The following ANKRD31 variants were observed in gnomAD, a reference collection of about 807,000 sequenced individuals.
The protein encoded by ANKRD31 is ankyrin repeat domain 31, also known as ankyrin repeat domain-containing protein 31.
Under a neutral mutation model 186.0 loss-of-function variants are expected in ANKRD31, and 147 were observed. That is an observed-to-expected ratio of 0.79 (90% CI 0.69 to 0.91). The LOEUF (loss-of-function observed/expected upper bound fraction) is 0.91, where lower values mean the gene tolerates loss of function less well. Ranked by LOEUF, ANKRD31 falls within the 40% of genes least tolerant of loss-of-function variation. The pLI is 0.00. For synonymous variants in ANKRD31, 673 were observed against 736.4 expected (o/e 0.91, Z 1.39); for missense variants, 1,986 against 2,148.8 (o/e 0.92, Z 1.50).
chr5:75,199,249 G>A (rs981799718), intron 6 of ANKRD31, among the ~76,000 whole-genome samples: 2 of 152,116 alleles, frequency 1.3e-5, no homozygotes, highest in African/African-American at 4.8e-5. Flanking sequence ...TGAGGAAAGC[G>A]TGAGTTCATT....
intron 10 of ANKRD31, among the ~76,000 whole-genome samples, chr5:75,172,504 G>A (rs1753415158): frequency 6.6e-6 from 1 of 151,784 alleles, no homozygotes; most frequent in Admixed American, 6.6e-5. Flanking sequence ...GACTGATAAA[G>A]AAGAAAAGAG....
At chr5:75,075,352 C>A (rs1325104675) in intron 25 of ANKRD31, among the ~76,000 whole-genome samples, 1 of 152,144 alleles carries the variant, frequency 6.6e-6, no homozygotes, top group Non-Finnish European at 1.5e-5. Context: ...GATAACAATC[C>A]AGAGTTTATC....
At chr5:75,177,464 T>A (rs754217689) in intron 10 of ANKRD31, among the ~76,000 whole-genome samples, 2 of 151,410 alleles carry the variant, frequency 1.3e-5, no homozygotes, top group African/African-American at 2.4e-5. Context: ...AAGGAAAAAA[T>A]GTTAAGGGCA....
chr5:75,104,071 C>T (rs1747129786), intron 22 of ANKRD31, among the ~76,000 whole-genome samples, 157 bp downstream of exon 22: 1 of 152,076 alleles, frequency 6.6e-6, no homozygotes, highest in Admixed American at 6.5e-5. Context: ...AATATGAATT[C>T]ACTTGCTAAG....
chr5:75,169,280 G>C, intron 10 of ANKRD31, 159 bp from the exon 11 acceptor site: 1 of 845,560 alleles, frequency 1.2e-6, no homozygotes, highest in Non-Finnish European at 1.7e-6. Context: ...TGTATTATTT[G>C]GTAGGTTCAA....
At chr5:75,199,568 C>A in intron 6 of ANKRD31, 63 bp downstream of exon 6, 1 of 1,321,654 alleles carries the variant, frequency 7.6e-7, no homozygotes, top group African/African-American at 1.5e-5. Context: ...CTTTAATCGA[C>A]ATAATTTTTT....
At chr5:75,205,151 C>T (rs983119945) in intron 5 of ANKRD31, among the ~76,000 whole-genome samples, 3 of 152,216 alleles carry the variant, frequency 2.0e-5, no homozygotes, top group African/African-American at 7.2e-5. Flanking sequence ...CAGGTGTGAG[C>T]CACCACATCC....
chr5:75,083,263 T>A (rs1745222954), intron 24 of ANKRD31, among the ~76,000 whole-genome samples: 1 of 152,316 alleles, frequency 6.6e-6, no homozygotes, highest in African/African-American at 2.4e-5. Context: ...ATGTCAGCAC[T>A]GAAAAAATTT....
At chr5:75,076,447 A>G (rs1277323978) in intron 25 of ANKRD31, among the ~76,000 whole-genome samples, 1 of 152,220 alleles carries the variant, frequency 6.6e-6, no homozygotes, top group African/African-American at 2.4e-5. Context: ...AGGAACAGCC[A>G]AATGGAAGAG....
chr5:75,099,265 A>G (rs952173702), intron 22 of ANKRD31, among the ~76,000 whole-genome samples: 1 of 152,240 alleles, frequency 6.6e-6, no homozygotes, highest in Non-Finnish European at 1.5e-5. Flanking sequence ...CCAGCCTTGC[A>G]TCCCAGGGAT....
chr5:75,224,167 A>G (rs1251066757), intron 2 of ANKRD31, among the ~76,000 whole-genome samples: 1 of 131,824 alleles, frequency 7.6e-6, no homozygotes, highest in Non-Finnish European at 1.5e-5. Flanking sequence ...ATATGTATAT[A>G]TATATATATA....
At chr5:75,136,530 G>A (rs147963934) in intron 17 of ANKRD31, among the ~76,000 whole-genome samples, 5,184 of 152,176 alleles carry the variant, frequency 0.034, 295 homozygotes, top group African/African-American at 0.12. Context: ...GCTGGAGAGG[G>A]TGTGGAGAAA....
chr5:75,105,279 C>A, intron 21 of ANKRD31, 61 bp from the exon 22 acceptor site: 1 of 1,401,052 alleles, frequency 7.1e-7, no homozygotes, highest in South Asian at 1.6e-5. Context: ...TCAAAGCGGT[C>A]ACTTAGAGGT....
chr5:75,088,056 G>A (rs1745636576), intron 23 of ANKRD31, among the ~76,000 whole-genome samples: 1 of 152,190 alleles, frequency 6.6e-6, no homozygotes, highest in South Asian at 2.1e-4. Flanking sequence ...GTTCTAAAAT[G>A]TAGCTGAGTA....
chr5:75,116,516 AG>A lies in ANKRD31; in HGVS notation c.4155+49del, dbSNP rs1388522925. ...GCCAATAACTAACTGGCTGGCTCAA[AG>A]AATGGCATTTTCTAAGATGAAGAAC... On this transcript the variant is annotated intron_variant, in intron 19 of 25. Coordinates refer to ENST00000506364, the MANE Select transcript of ANKRD31 (RefSeq NM_001372053.1). 3 of 1,198,248 alleles carry A rather than the reference AG, an allele frequency of 2.5e-6. No individual in the cohort carries two copies. The South Asian group carries it at 8.6e-5, about 34-fold the overall frequency. 74.2% of individuals were successfully genotyped at this position (1,198,248 alleles called of 1,614,324 possible).
chr5:75,138,054 T>C (rs1302084110), intron 16 of ANKRD31, 56 bp from the exon 17 acceptor site: 11 of 1,361,566 alleles, frequency 8.1e-6, no homozygotes, highest in Middle Eastern at 4.5e-4. Context: ...AATACTCATG[T>C]AATATCTGTA....
chr5:75,091,574 A>T (rs1228180161), intron 22 of ANKRD31, among the ~76,000 whole-genome samples, 173 bp from the exon 23 acceptor site: 1 of 152,164 alleles, frequency 6.6e-6, no homozygotes, highest in Non-Finnish European at 1.5e-5. Flanking sequence ...GCAAATGATG[A>T]ACCATCTAGT....
intron 22 of ANKRD31, among the ~76,000 whole-genome samples, chr5:75,101,496 C>G (rs1412722868): frequency 6.6e-6 from 1 of 152,094 alleles, no homozygotes; most frequent in Non-Finnish European, 1.5e-5. Context: ...GGGAAGTTCT[C>G]CTGGATAATA....
chr5:75,098,160 T>A (rs1417392550), intron 22 of ANKRD31, among the ~76,000 whole-genome samples: 1 of 151,914 alleles, frequency 6.6e-6, no homozygotes, highest in African/African-American at 2.4e-5. Flanking sequence ...GCCCGGCTAA[T>A]TTTTTTGTAT....
Sources: allele counts gnomAD v4.1 joint callset (sites outside exome capture counted in the v4.1 genomes callset), GRCh38; gene constraint gnomAD v4.1.1; transcripts MANE v1.5; gene names NCBI Gene and HGNC (gene_info 2026-07-23, HGNC 2026-07-21).